The following TMEM179B variants were observed in gnomAD, a reference collection of about 807,000 sequenced individuals.
TMEM179B encodes the protein transmembrane protein 179B.
A neutral mutation model predicts 18.0 loss-of-function variants in TMEM179B; 13 were observed. The observed-to-expected ratio is 0.72, with a 90% confidence interval of 0.47 to 1.15. The LOEUF is 1.15. TMEM179B is among the 50% of genes most tolerant of loss of function. The pLI, the probability that TMEM179B is intolerant of heterozygous loss-of-function variation, is 0.00. For missense variants in TMEM179B, 320 were observed against 270.6 expected, an observed-to-expected ratio of 1.18 and a Z score of -1.28; for synonymous variants, 159 against 117.5, an observed-to-expected ratio of 1.35 and a Z score of -2.29.
Position 62,787,493 on chromosome 11 carries a change from G to GTGCCGTGGC in TMEM179B, c.62_63insTGCCGTGGC (p.Val23_Ala25dup). On this transcript the variant is annotated inframe_insertion, in exon 1 of 5. Transcript: ENST00000333449. The stretch of plus-strand genomic sequence containing the variant: ...CTCTTTGCTGCCGCCTTCCTGTGCG[G>GTGCCGTGGC]GGCCGTGGCGGCCGCGGCGATGACT... 2 of 1,579,390 alleles carry GTGCCGTGGC rather than the reference G, an allele frequency of 1.3e-6. No homozygotes were observed. Among genetic ancestry groups the GTGCCGTGGC allele is most frequent in the Non-Finnish European group, 1.7e-6 (2 of 1,170,688 alleles).
Position 62,789,904 on chromosome 11 carries a change from T to C in TMEM179B, c.517T>C (p.Leu173=), listed in dbSNP as rs757770845. The C allele has an allele frequency of 4.3e-6, 7 of 1,613,716 alleles. No homozygotes were observed. In the African/African-American group the frequency reaches 9.3e-5, roughly 22 times the overall value. The part of the protein sequence containing the change: ...HNAETSSWVN[L]VLWCVVLVLQ... ...CCTACAGACCTCTTCTTGGGTGAAT[T>C]TGGTATTGTGGTGTGTGGTCTTGGT... The change falls in exon 5 of 5, where the codon TTG becomes CTG. Residue 173 remains leucine, a synonymous_variant. Coordinates refer to ENST00000333449, the MANE Select transcript of TMEM179B (RefSeq NM_199337.3).
At chr11:62,788,658 G>T (rs941301695) in intron 1 of TMEM179B, among the ~76,000 whole-genome samples, 3 of 147,554 alleles carry the variant, frequency 2.0e-5, no homozygotes, top group Non-Finnish European at 4.5e-5. Context: ...GAGCCGAGAT[G>T]GCGCCACTGC....
rs1216917256 is a variant in TMEM179B, at chr11:62,790,222, ATAT to A, written c.*179_*181del. On this transcript the variant is annotated 3_prime_UTR_variant, in exon 5 of 5. Transcript: ENST00000333449. ...TTCCTGCAGCTGTTTTTGTACCAAA[ATAT>A]TATATTACTGTCTTCATCTTAGTAG... The A allele has an allele frequency of 3.3e-5, 23 of 692,132 alleles. No individual in the cohort carries two copies. In the East Asian group the frequency reaches 6.3e-4, roughly 19 times the overall value. 42.9% of individuals were successfully genotyped at this position (692,132 alleles called of 1,614,324 possible). A position where few individuals can be genotyped will look rare whatever the true frequency, so the allele number is the denominator to read the frequency against.
In TMEM179B at chr11:62,787,465, G is replaced by C. The variant is rs771789021; in HGVS notation, c.34G>C (p.Ala12Pro). 39 of 1,575,728 alleles carry C rather than the reference G, an allele frequency of 2.5e-5. No homozygotes were observed. The African/African-American group carries it at 3.4e-4, about 14-fold the overall frequency. ...ALSWLQRVEL[A>P]LFAAAFLCGA... ...GTCCTGGCTGCAGCGCGTCGAGCTT[G>C]CGCTCTTTGCTGCCGCCTTCCTGTG... Residue 12 changes from alanine (A) to proline (P), a missense_variant, in exon 1 of 5, where the codon GCG becomes CCG. Ala to Pro is a conservative substitution (Grantham distance 27). Coordinates refer to ENST00000333449, the MANE Select transcript of TMEM179B (RefSeq NM_199337.3).
In TMEM179B at chr11:62,790,395, G is replaced by A. The variant is rs1291663184; in HGVS notation, c.*348G>A. On this transcript the variant is annotated 3_prime_UTR_variant, in exon 5 of 5. Coordinates refer to ENST00000333449, the MANE Select transcript of TMEM179B (RefSeq NM_199337.3). ...GTTGTTAATGAATCTTGACCTCCTTGTGTGACCCTGGTTGTTACTCCATTC... is the reference window on the plus strand; with the variant it reads ...GTTGTTAATGAATCTTGACCTCCTTATGTGACCCTGGTTGTTACTCCATTC... 1.8e-6 allele frequency: 1 copy of A among 566,930 alleles called. No homozygotes were observed. Among genetic ancestry groups the A allele is most frequent in the Non-Finnish European group, 3.1e-6 (1 of 326,058 alleles). 35.1% of individuals were successfully genotyped at this position (566,930 alleles called of 1,614,324 possible). A position where few individuals can be genotyped will look rare whatever the true frequency, so the allele number is the denominator to read the frequency against.
In TMEM179B at chr11:62,790,024, G is replaced by A. The variant is rs1361996511; in HGVS notation, c.637G>A (p.Gly213Arg). 11 of 1,613,014 alleles carry A rather than the reference G, an allele frequency of 6.8e-6. No individual in the cohort carries two copies. The highest frequency in any genetic ancestry group is 2.2e-5 in the East Asian group (1 of 44,868). The change falls in exon 5 of 5, where the codon GGG becomes AGG. Residue 213 changes from glycine to arginine, a missense_variant. Physicochemically the swap from Gly to Arg is moderately radical, Grantham distance 125 (BLOSUM62 -2). Coordinates refer to ENST00000333449, the MANE Select transcript of TMEM179B (RefSeq NM_199337.3). ...GAGCTCTGAGACAGATGCTCTCGTTGGGTCACGCCTTTCCCATTCCTGAAG... is the reference window on the plus strand; with the variant it reads ...GAGCTCTGAGACAGATGCTCTCGTTAGGTCACGCCTTTCCCATTCCTGAAG... ...EWSSETDALV[G>R]SRLSHS
Position 62,789,409 on chromosome 11 carries a change from C to T in TMEM179B, c.402C>T (p.Ser134=). The change falls in exon 3 of 5, where the codon TCC becomes TCT. Residue 134 remains serine (S), a synonymous_variant. Coordinates refer to ENST00000333449, the MANE Select transcript of TMEM179B (RefSeq NM_199337.3). The part of the protein sequence containing the change: ...GTRSLCNSII[S]LNTTISCSEA... ...GGTCTCTCTGCAACTCCATCATCTC[C>T]TTGAACACTACAATTAGGTAATGGG... 6.2e-7 allele frequency: 1 copy of T among 1,613,900 alleles called. No homozygotes were observed. The highest frequency in any genetic ancestry group is 1.1e-5 in the South Asian group (1 of 91,078).
Position 62,790,150 on chromosome 11 carries a change from C to A in TMEM179B, c.*103C>A. Reference sequence around the variant, plus strand: ...ATGTTGGGAGTCTTAGTTTTCCTTTCGTTGGGGGGTGGGGGGGAAACATAA... The same window carrying A: ...ATGTTGGGAGTCTTAGTTTTCCTTTAGTTGGGGGGTGGGGGGGAAACATAA... On this transcript the variant is annotated 3_prime_UTR_variant, in exon 5 of 5. Transcript: ENST00000333449. 1 of 459,346 alleles carries A rather than the reference C, an allele frequency of 2.2e-6. No individual in the cohort carries two copies. The highest frequency in any genetic ancestry group is 3.6e-6 in the Non-Finnish European group (1 of 276,692). The allele number at this position is 459,346 out of a possible 1,614,324, so 28.5% of individuals were successfully genotyped here.
chr11:62,789,839 A>G (rs1047670181), intron 4 of TMEM179B, 47 bp from the exon 5 acceptor site: 3 of 1,589,608 alleles, frequency 1.9e-6, no homozygotes, highest in Admixed American at 3.5e-5. Context: ...GAAGGACTGG[A>G]TTTGAAATGG....
At position 62,790,238 on chromosome 11, in the gene TMEM179B, T is replaced by C; in HGVS notation, c.*191T>C. 6 of 638,636 alleles carry C rather than the reference T, an allele frequency of 9.4e-6. No individual in the cohort carries two copies. In the South Asian group the frequency reaches 1.4e-4, roughly 14 times the overall value. 39.6% of individuals were successfully genotyped at this position (638,636 alleles called of 1,614,324 possible). ...TGTACCAAAATATTATATTACTGTCTTCATCTTAGTAGTGAGTTTTTGATG... is the reference window on the plus strand; with the variant it reads ...TGTACCAAAATATTATATTACTGTCCTCATCTTAGTAGTGAGTTTTTGATG... On this transcript the variant is annotated 3_prime_UTR_variant, in exon 5 of 5. Coordinates refer to ENST00000333449, the MANE Select transcript of TMEM179B (RefSeq NM_199337.3).
chr11:62,789,327 C>A lies in TMEM179B; in HGVS notation c.320C>A (p.Ser107Ter). The A allele has an allele frequency of 6.2e-7, 1 of 1,614,066 alleles. No homozygotes were observed. Among genetic ancestry groups the A allele is most frequent in the Non-Finnish European group, 8.5e-7 (1 of 1,180,012 alleles). ...GGGCTGCGCATTGCACTGGCCATCTCAGCTATAGCCGTCTTCCTGGTCTTG... is the reference window on the plus strand; with the variant it reads ...GGGCTGCGCATTGCACTGGCCATCTAAGCTATAGCCGTCTTCCTGGTCTTG... ...AIGLRIALAI[S>*]AIAVFLVLVS... is the part of the protein sequence containing the mutation. The change falls in exon 3 of 5, where the codon TCA becomes TAA. Residue 107 changes from serine to a stop codon, truncating the protein, a stop_gained. Transcript: ENST00000333449. LOFTEE classifies it high-confidence loss of function.
At position 62,789,412 on chromosome 11, in the gene TMEM179B, G is replaced by C. The variant is rs759182408; in HGVS notation, c.405G>C (p.Leu135Phe). 1.9e-6 allele frequency: 3 copies of C among 1,613,756 alleles called. No individual in the cohort carries two copies. The highest frequency in any genetic ancestry group is 2.5e-6 in the Non-Finnish European group (3 of 1,179,988). The change falls in exon 3 of 5, where the codon TTG becomes TTC. Residue 135 changes from leucine to phenylalanine, a missense_variant. Transcript: ENST00000333449. Reference sequence around the variant, plus strand: ...CTCTCTGCAACTCCATCATCTCCTTGAACACTACAATTAGGTAATGGGAGA... The same window carrying C: ...CTCTCTGCAACTCCATCATCTCCTTCAACACTACAATTAGGTAATGGGAGA... ...TRSLCNSIIS[L>F]NTTISCSEAQ...
chr11:62,789,263 C>T, intron 2 of TMEM179B, 29 bp from the exon 3 acceptor site: 2 of 1,613,966 alleles, frequency 1.2e-6, no homozygotes, highest in Middle Eastern at 1.6e-4. Context: ...GCCTCACCTC[C>T]ACCACAAGGC....
In TMEM179B at chr11:62,789,127, T is replaced by C; in HGVS notation, c.201T>C (p.Ala67=). 1 of 1,614,226 alleles carries C rather than the reference T, an allele frequency of 6.2e-7. No homozygotes were observed. ...PSAPSLCYFV[A]GASGLLALYC... ...CACCATCCCTGTGCTACTTTGTAGCTGGGGCCTCTGGCCTCTTGGCCCTCT... is the reference window on the plus strand; with the variant it reads ...CACCATCCCTGTGCTACTTTGTAGCCGGGGCCTCTGGCCTCTTGGCCCTCT... The change falls in exon 2 of 5, where the codon GCT becomes GCC. Residue 67 remains alanine, a synonymous_variant. Transcript: ENST00000333449.
intron 1 of TMEM179B, among the ~76,000 whole-genome samples, chr11:62,788,795 T>C (rs1337355305): frequency 6.6e-6 from 1 of 152,164 alleles, no homozygotes; most frequent in African/African-American, 2.4e-5. Flanking sequence ...CTGAAGCTCA[T>C]TGCATTCTAT....
At position 62,787,758 on chromosome 11, in the gene TMEM179B, G is replaced by A. The variant is rs1410829824; in HGVS notation, c.96+231G>A. The A allele has an allele frequency of 4.4e-6, 3 of 682,252 alleles. No individual in the cohort carries two copies. In the African/African-American group the frequency reaches 5.3e-5, roughly 12 times the overall value. 42.3% of individuals were successfully genotyped at this position (682,252 alleles called of 1,614,324 possible). A position where few individuals can be genotyped will look rare whatever the true frequency, so the allele number is the denominator to read the frequency against. ...CCCTCGCCAAAGGGACGGGTCAGTA[G>A]CGTCTTAAAGCACTAGGTGGAGTCG... On this transcript the variant is annotated intron_variant, in intron 1 of 4. Coordinates refer to ENST00000333449, the MANE Select transcript of TMEM179B (RefSeq NM_199337.3).
rs770372869 is a variant in TMEM179B, at chr11:62,789,278, T to G, written c.285-14T>G. 1.2e-6 allele frequency: 2 copies of G among 1,613,910 alleles called. No individual in the cohort carries two copies. The highest frequency in any genetic ancestry group is 1.7e-6 in the Non-Finnish European group (2 of 1,179,980). On this transcript the variant is annotated splice_polypyrimidine_tract_variant and intron_variant, in intron 2 of 4. Coordinates refer to ENST00000333449, the MANE Select transcript of TMEM179B (RefSeq NM_199337.3). ...GCCTCACCTCCACCACAAGGCTTGT[T>G]CTCTCCCTTTCAGAGGTGCTATAGG... is the stretch of plus-strand genomic sequence containing the variant.
intron 1 of TMEM179B, among the ~76,000 whole-genome samples, chr11:62,788,660 C>T (rs1239422180): frequency 7.0e-6 from 1 of 142,352 alleles, no homozygotes; most frequent in East Asian, 2.1e-4. Flanking sequence ...GCCGAGATGG[C>T]GCCACTGCAC....
Position 62,787,407 on chromosome 11 carries a change from G to C in TMEM179B, c.-25G>C, listed in dbSNP as rs1384141556. ...GCTTTGGGCGGGGTGCTGCTGCAGCGGCGCTTCCTGGTGGTCAGGGCGCCA... is the reference window on the plus strand; with the variant it reads ...GCTTTGGGCGGGGTGCTGCTGCAGCCGCGCTTCCTGGTGGTCAGGGCGCCA... On this transcript the variant is annotated 5_prime_UTR_variant, in exon 1 of 5. Coordinates refer to ENST00000333449, the MANE Select transcript of TMEM179B (RefSeq NM_199337.3). The C allele has an allele frequency of 6.4e-7, 1 of 1,555,208 alleles. No homozygotes were observed.
Sources: gnomAD v4.1 joint callset for allele counts (sites outside exome capture counted in the v4.1 genomes callset) on GRCh38, gnomAD v4.1.1 for gene constraint, MANE v1.5 for transcripts, NCBI Gene and HGNC (gene_info 2026-07-23, HGNC 2026-07-21) for gene names.